RASGEF1C: variants seen among roughly 807,000 people sequenced by gnomAD.
RASGEF1C encodes the protein RasGEF domain family member 1C.
In RASGEF1C, 27 loss-of-function variants were observed where a neutral mutation model predicts 58.1. The observed-to-expected ratio is 0.46, with a 90% CI of 0.34 to 0.64. RASGEF1C has a LOEUF of 0.64. Ranked by LOEUF, RASGEF1C falls within the 30% of genes least tolerant of loss-of-function variation. The pLI, the probability that RASGEF1C is intolerant of heterozygous loss-of-function variation, is 0.01. For missense variants in RASGEF1C, 502 were observed against 605.1 expected (o/e 0.83, Z 1.79); for synonymous variants, 243 against 246.3 (o/e 0.99, Z 0.13).
intron 4 of RASGEF1C, among the ~76,000 whole-genome samples, chr5:180,132,263 C>T (rs1582272615): frequency 1.3e-5 from 2 of 152,244 alleles, no homozygotes; most frequent in South Asian, 2.1e-4. Context: ...AGCCACGTTT[C>T]CTTCTATTTC....
At chr5:180,119,278 G>T in intron 8 of RASGEF1C, 68 bp downstream of exon 8, 3 of 1,322,062 alleles carry the variant, frequency 2.3e-6, no homozygotes, top group South Asian at 2.4e-5. Context: ...TGCCTGCCTG[G>T]CTGCACCCAC....
At chr5:180,122,751 A>AC (rs1207333408) in intron 6 of RASGEF1C, among the ~76,000 whole-genome samples, 2 of 147,414 alleles carry the variant, frequency 1.4e-5, no homozygotes, top group Admixed American at 6.8e-5. Flanking sequence ...AAAAAAAAAA[A>AC]AAAAAACTAA....
At chr5:180,131,735 C>T (rs941960658) in intron 4 of RASGEF1C, among the ~76,000 whole-genome samples, 14 of 152,198 alleles carry the variant, frequency 9.2e-5, no homozygotes, top group Admixed American at 3.9e-4. Flanking sequence ...ACTGCAGGCC[C>T]GTGCCAAAAT....
At chr5:180,186,324 T>C (rs1478857574) in intron 1 of RASGEF1C, among the ~76,000 whole-genome samples, 1 of 151,974 alleles carries the variant, frequency 6.6e-6, no homozygotes, top group East Asian at 1.9e-4. Flanking sequence ...AAAAACAAAT[T>C]CAGCAAAGTT....
At chr5:180,179,914 G>A (rs1005349241) in intron 1 of RASGEF1C, among the ~76,000 whole-genome samples, 1 of 152,180 alleles carries the variant, frequency 6.6e-6, no homozygotes, top group African/African-American at 2.4e-5. Context: ...CTACATTCCT[G>A]GCTTTGCGTC....
At chr5:180,110,808 G>A (rs918379211) in intron 12 of RASGEF1C, among the ~76,000 whole-genome samples, 1 of 144,722 alleles carries the variant, frequency 6.9e-6, no homozygotes, top group Non-Finnish European at 1.5e-5. Context: ...TAAGCTCTGG[G>A]AAGGTGATTT....
At chr5:180,129,527 G>A (rs1159512312) in intron 4 of RASGEF1C, among the ~76,000 whole-genome samples, 3 of 152,086 alleles carry the variant, frequency 2.0e-5, no homozygotes, top group African/African-American at 7.2e-5. Context: ...CAGAGCAATC[G>A]GAGCCCCCAG....
chr5:180,176,651 G>A (rs538749415), intron 1 of RASGEF1C, among the ~76,000 whole-genome samples: 9 of 151,986 alleles, frequency 5.9e-5, no homozygotes, highest in African/African-American at 2.2e-4. Flanking sequence ...CCGCCTCCCG[G>A]GTTCACGCCA....
intron 8 of RASGEF1C, 97 bp downstream of exon 8, chr5:180,119,249 A>C (rs2113253747): frequency 9.7e-7 from 1 of 1,033,540 alleles, no homozygotes; most frequent in Non-Finnish European, 1.5e-6. Flanking sequence ...TGCTCAGAGG[A>C]GAGCCCTGGC....
intron 1 of RASGEF1C, among the ~76,000 whole-genome samples, chr5:180,169,814 G>A (rs1266655515): frequency 3.5e-4 from 11 of 31,694 alleles, no homozygotes; most frequent in Admixed American, 1.0e-3. Flanking sequence ...CTCCAAGCCC[G>A]CCTCTCTGGC....
At chr5:180,181,705 A>T (rs1428196450) in intron 1 of RASGEF1C, among the ~76,000 whole-genome samples, 1 of 152,166 alleles carries the variant, frequency 6.6e-6, no homozygotes, top group Non-Finnish European at 1.5e-5. Context: ...CTGATCCAGA[A>T]CTCCAAATGA....
chr5:180,163,533 G>A (rs1212328357), intron 1 of RASGEF1C, among the ~76,000 whole-genome samples: 2 of 151,916 alleles, frequency 1.3e-5, no homozygotes, highest in Admixed American at 6.6e-5. Context: ...TTGCTGTGAT[G>A]CTTTTCTTCT....
At chr5:180,123,061 G>A (rs1311522128) in intron 6 of RASGEF1C, among the ~76,000 whole-genome samples, 1 of 152,106 alleles carries the variant, frequency 6.6e-6, no homozygotes, top group Admixed American at 6.6e-5. Context: ...TAAATATTAC[G>A]TAACTATATT....
At position 180,121,096 on chromosome 5, in the gene RASGEF1C, G is replaced by C. The variant is rs758656654; in HGVS notation, c.768C>G (p.Asn256Lys). Residue 256 changes from asparagine (N) to lysine (K), a missense_variant, in exon 7 of 14, where the codon AAC (asparagine) becomes AAG (lysine). Coordinates refer to ENST00000361132, the MANE Select transcript of RASGEF1C (RefSeq NM_175062.4). ...SNLEAYVKWF[N>K]RLCYLVATEI... ...CAGTTGCCACCAGGTAGCACAGCCT[G>C]TTGAACCATTTCACATAAGCCTCCA... The C allele has an allele frequency of 6.2e-7, 1 of 1,614,120 alleles. No homozygotes were observed. The highest frequency in any genetic ancestry group is 1.7e-5 in the Admixed American group (1 of 60,022).
intron 1 of RASGEF1C, among the ~76,000 whole-genome samples, chr5:180,171,651 G>A (rs1767110702): frequency 6.6e-6 from 1 of 152,230 alleles, no homozygotes. Flanking sequence ...AGGGATGCCA[G>A]AGTCTAGGGC....
At position 180,143,606 on chromosome 5, in the gene RASGEF1C, T is replaced by G. The variant is rs369732649; in HGVS notation, c.-6-5548A>C. ...AGCTGGCGTGCTCAGACCTTCCTGGTGTAAAAGTCATCCAGGACATCCAGG... is the reference window on the plus strand; with the variant it reads ...AGCTGGCGTGCTCAGACCTTCCTGGGGTAAAAGTCATCCAGGACATCCAGG... On this transcript the variant is annotated intron_variant, in intron 1 of 13. Transcript: ENST00000361132. This position sits in a 1 kb window ranked among gnomAD's most constrained non-coding sequence, Gnocchi z 4.3. 1.3e-5 allele frequency among the ~76,000 whole-genome samples: 2 copies of G among 152,198 alleles called. No homozygotes were observed. The highest frequency in any genetic ancestry group is 4.8e-5 in the African/African-American group (2 of 41,454).
At chr5:180,130,942 C>A (rs956525620) in intron 4 of RASGEF1C, among the ~76,000 whole-genome samples, 1 of 152,124 alleles carries the variant, frequency 6.6e-6, no homozygotes, top group Non-Finnish European at 1.5e-5. Context: ...GATAGCGCGT[C>A]GGCCACCAGA....
intron 1 of RASGEF1C, among the ~76,000 whole-genome samples, chr5:180,152,464 CA>C (rs1382268448): frequency 2.0e-5 from 3 of 147,482 alleles, no homozygotes; most frequent in Admixed American, 1.4e-4. Flanking sequence ...ATCGCAAGGA[CA>C]AAAAGCCAAA....
At chr5:180,206,453 C>T (rs1756488744) in intron 1 of RASGEF1C, among the ~76,000 whole-genome samples, 2 of 152,046 alleles carry the variant, frequency 1.3e-5, no homozygotes, top group Admixed American at 6.6e-5. Context: ...CTCAAACCAG[C>T]GAGGCTGTGG....
Sources: allele counts gnomAD v4.1 joint callset (sites outside exome capture counted in the v4.1 genomes callset), GRCh38; gene constraint gnomAD v4.1.1; non-coding constraint Gnocchi (gnomAD v3.1); transcripts MANE v1.5; gene names NCBI Gene and HGNC (gene_info 2026-07-23, HGNC 2026-07-21).